NAALADL1: variants seen among roughly 807,000 people sequenced by gnomAD.
NAALADL1 encodes N-acetylated alpha-linked acidic dipeptidase like 1, also known as aminopeptidase NAALADL1.
A neutral mutation model predicts 82.8 loss-of-function variants in NAALADL1; 77 were observed. That is an observed-to-expected ratio of 0.93 (90% confidence interval 0.77 to 1.12). The LOEUF is 1.12. NAALADL1 is among the 50% of genes most tolerant of loss of function. The pLI is 0.00. For missense variants in NAALADL1, 956 were observed against 964.0 expected (o/e 0.99, Z 0.11); for synonymous variants, 358 against 399.2 (o/e 0.90, Z 1.23).
chr11:65,056,504 A>G (rs1191721275), intron 4 of NAALADL1, among the ~76,000 whole-genome samples: 2 of 151,726 alleles, frequency 1.3e-5, no homozygotes, highest in Non-Finnish European at 2.9e-5. Flanking sequence ...GGTTCAAGCA[A>G]TTCTCCTGCC....
upstream of NAALADL1, chr11:65,058,650 T>A (rs1171441977): frequency 2.3e-6 from 2 of 864,864 alleles, no homozygotes; most frequent in African/African-American, 1.7e-5. Context: ...GCAGGGAGAG[T>A]GAGGGAACAT....
intron 4 of NAALADL1, 100 bp downstream of exon 4, chr11:65,057,271 C>CA (rs1947064163): frequency 1.3e-6 from 2 of 1,486,606 alleles, no homozygotes; most frequent in South Asian, 2.8e-5. Flanking sequence ...GTTCCCCACT[C>CA]AACACTGCCT....
rs1275727404 is a variant in NAALADL1, at chr11:65,058,466, AGCCCCAAGAGGGCAGCAGC to A, written c.37_55del (p.Ala13TrpfsTer119). 1 of 1,613,058 alleles carries A rather than the reference AGCCCCAAGAGGGCAGCAGC, an allele frequency of 6.2e-7. No homozygotes were observed. Among genetic ancestry groups the A allele is most frequent in the African/African-American group, 1.3e-5 (1 of 74,626 alleles). On this transcript the variant is annotated frameshift_variant, in exon 1 of 18. Coordinates refer to ENST00000358658, the MANE Select transcript of NAALADL1 (RefSeq NM_005468.3). LOFTEE classifies it high-confidence loss of function. ...GGCAAAGTGGCCGAGGATGATCCCC[AGCCCCAAGAGGGCAGCAGC>A]CCCCAGCCCCAGCCCCAACACCTTC...
rs1485645244 is a variant in NAALADL1 at position 65,047,637 on chromosome 11, C to T, written c.1508+10G>A. The T allele has an allele frequency of 1.9e-6, 3 of 1,598,454 alleles. No homozygotes were observed. The highest frequency in any genetic ancestry group is 2.6e-6 in the Non-Finnish European group (3 of 1,173,740). ...CCTCGCTCCGGGCCCCCTTCTGTCC[C>T]TGGGCTTACCTGGGGACCAGGCCGT... On this transcript the variant is annotated intron_variant, in intron 12 of 17. Transcript: ENST00000358658.
intron 8 of NAALADL1, among the ~76,000 whole-genome samples, chr11:65,048,658 C>A (rs149125563): frequency 1.9e-4 from 29 of 152,240 alleles, no homozygotes; most frequent in Middle Eastern, 3.4e-3. Flanking sequence ...GACTTCCGAC[C>A]CTCCACCCTC....
At chr11:65,056,214 C>T (rs1043261875) in intron 4 of NAALADL1, among the ~76,000 whole-genome samples, 11 of 152,028 alleles carry the variant, frequency 7.2e-5, no homozygotes, top group Non-Finnish European at 1.5e-4. Flanking sequence ...GTAAAATACA[C>T]ATAACATAAA....
Position 65,054,452 on chromosome 11 carries a change from C to T in NAALADL1, c.887+3G>A. On this transcript the variant is annotated splice_donor_region_variant and intron_variant, in intron 5 of 17. Transcript: ENST00000358658. The surrounding 1 kb of genome is among the most constrained non-coding windows in gnomAD (Gnocchi z 4.3). Reference sequence around the variant, plus strand: ...GGCAGGACACCCCAGGGCACAAACTCACCAGAGCAGGTCTCTTGCATCCTG... The same window carrying T: ...GGCAGGACACCCCAGGGCACAAACTTACCAGAGCAGGTCTCTTGCATCCTG... 7 of 1,613,994 alleles carry T rather than the reference C, an allele frequency of 4.3e-6. No individual in the cohort carries two copies. Among genetic ancestry groups the T allele is most frequent in the Non-Finnish European group, 5.9e-6 (7 of 1,179,934 alleles).
At chr11:65,056,505 T>C (rs1396836099) in intron 4 of NAALADL1, among the ~76,000 whole-genome samples, 2 of 152,090 alleles carry the variant, frequency 1.3e-5, no homozygotes, top group African/African-American at 4.8e-5. Flanking sequence ...GTTCAAGCAA[T>C]TCTCCTGCCT....
At chr11:65,046,636 T>G in intron 13 of NAALADL1, 110 bp from the exon 14 acceptor site, 1 of 1,077,270 alleles carries the variant, frequency 9.3e-7, no homozygotes, top group Non-Finnish European at 1.4e-6. Flanking sequence ...CTTGGCCATG[T>G]CTGTGAGGTG....
intron 3 of NAALADL1, 143 bp downstream of exon 3, chr11:65,057,732 G>T: frequency 7.5e-7 from 1 of 1,334,092 alleles, no homozygotes; most frequent in South Asian, 1.4e-5. Flanking sequence ...GAGGAAAGGA[G>T]CAGCGATGGA....
chr11:65,057,930 C>G lies in NAALADL1; in HGVS notation c.425G>C (p.Gly142Ala), dbSNP rs199800826. Reference sequence around the variant, plus strand: ...ATAGGGTTGTACCACATCTGGCCCCCCTTGCTCCCCGGTCACGTTCTCCTC... The same window carrying G: ...ATAGGGTTGTACCACATCTGGCCCCGCTTGCTCCCCGGTCACGTTCTCCTC... ...RTEENVTGEQ[G>A]GPDVVQPYAA... Residue 142 changes from glycine (G) to alanine (A), a missense_variant, in exon 3 of 18, where the codon GGG (glycine) becomes GCG (alanine). By Grantham distance (60) the Gly-to-Ala change is moderately conservative. Transcript: ENST00000358658. The G allele has an allele frequency of 1.1e-4, 184 of 1,614,116 alleles. No individual in the cohort carries two copies. The highest frequency in any genetic ancestry group is 1.4e-4 in the Non-Finnish European group (171 of 1,179,990).
In NAALADL1 at chr11:65,053,760, A is replaced by T. The variant is rs929898605; in HGVS notation, c.993-184T>A. 7.9e-5 allele frequency among the ~76,000 whole-genome samples: 12 copies of T among 152,166 alleles called. No individual in the cohort carries two copies. Among genetic ancestry groups the T allele is most frequent in the African/African-American group, 2.9e-4 (12 of 41,440 alleles). ...CTGCCTACTCGCTGGGTAGGTACTT[A>T]TTGGGTACTTAGTCCCTGACTAGTC... On this transcript the variant is annotated intron_variant, in intron 6 of 17. Transcript: ENST00000358658. The surrounding 1 kb of genome is among the most constrained non-coding windows in gnomAD (Gnocchi z 4.3).
In NAALADL1 at chr11:65,057,981, C is replaced by T; in HGVS notation, c.374G>A (p.Gly125Asp). The T allele has an allele frequency of 2.5e-6, 4 of 1,614,142 alleles. No individual in the cohort carries two copies. Among genetic ancestry groups the T allele is most frequent in the Non-Finnish European group, 3.4e-6 (4 of 1,179,986 alleles). ...AGTCCGGTGGCAGGAGTGGATGATG[C>T]CCCCAGTGGGGCCCACTGTTGGAGG... ...NVVDIVGPTG[G>D]IIHSCHRTEE... Residue 125 changes from glycine to aspartate, a missense_variant, in exon 3 of 18, where the codon GGC becomes GAC. Gly to Asp is a moderately conservative substitution (Grantham distance 94). Transcript: ENST00000358658.
At chr11:65,057,828 G>A (rs1947084302) in intron 3 of NAALADL1, 47 bp downstream of exon 3, 2 of 1,608,102 alleles carry the variant, frequency 1.2e-6, no homozygotes, top group Non-Finnish European at 1.7e-6. Context: ...ACCCTGGGTG[G>A]AACCAAGGGA....
In NAALADL1 at chr11:65,054,218, ACTGAGGGAGAC is replaced by A. The variant is rs1946970606; in HGVS notation, c.992+21_992+31del. 12 of 1,586,744 alleles carry A rather than the reference ACTGAGGGAGAC, an allele frequency of 7.6e-6. No homozygotes were observed. Among genetic ancestry groups the A allele is most frequent in the Non-Finnish European group, 1.0e-5 (12 of 1,159,684 alleles). On this transcript the variant is annotated intron_variant, in intron 6 of 17. Coordinates refer to ENST00000358658, the MANE Select transcript of NAALADL1 (RefSeq NM_005468.3). This position sits in a 1 kb window ranked among gnomAD's most constrained non-coding sequence, Gnocchi z 4.3. ...GAGAGGCGAGTTGGGGGAGAGGGCA[ACTGAGGGAGAC>A]CTGGTCTGGCTGCATCTCACCTGTC...
Position 65,048,063 on chromosome 11 carries a change from G to A in NAALADL1, c.1349-15C>T, listed in dbSNP as rs951591158. ...GGTAGCGTTGGCTGTGGGAGGAGGG[G>A]AGAAAGACTATTTGGGCCCCAGCCC... On this transcript the variant is annotated splice_polypyrimidine_tract_variant and intron_variant, in intron 10 of 17. Transcript: ENST00000358658. The A allele has an allele frequency of 1.7e-5, 28 of 1,613,804 alleles. No individual in the cohort carries two copies. Among genetic ancestry groups the A allele is most frequent in the Non-Finnish European group, 2.3e-5 (27 of 1,179,932 alleles).
At position 65,048,024 on chromosome 11, in the gene NAALADL1, C is replaced by G; in HGVS notation, c.1373G>C (p.Gly458Ala). ...GACGACGCTCTGGACAGGGGGCGTC[C>G]CCTGCACCCTAAGGGTAGCGTTGGC... ...VFANATLRVQ[G>A]TPPVQSVVFS... The change falls in exon 11 of 18, where the codon GGG becomes GCG. Residue 458 changes from glycine to alanine, a missense_variant. Gly to Ala is a moderately conservative substitution (Grantham distance 60, BLOSUM62 0). Transcript: ENST00000358658. The G allele has an allele frequency of 6.2e-7, 1 of 1,613,900 alleles. No homozygotes were observed. The highest frequency in any genetic ancestry group is 8.5e-7 in the Non-Finnish European group (1 of 1,179,916).
At chr11:65,047,587 G>C in intron 12 of NAALADL1, 22 bp from the exon 13 acceptor site, 1 of 1,574,976 alleles carries the variant, frequency 6.3e-7, no homozygotes, top group Non-Finnish European at 8.6e-7. Context: ...AAGGGGGCCG[G>C]GATAAAGAGC....
intron 17 of NAALADL1, 81 bp from the exon 18 acceptor site, chr11:65,045,538 C>T: frequency 1.4e-6 from 2 of 1,410,030 alleles, no homozygotes; most frequent in Non-Finnish European, 1.9e-6. Flanking sequence ...ACTGGCTCAG[C>T]TCCTGTACGC....
Sources: allele counts gnomAD v4.1 joint callset (sites outside exome capture counted in the v4.1 genomes callset), GRCh38; gene constraint gnomAD v4.1.1; non-coding constraint Gnocchi (gnomAD v3.1); transcripts MANE v1.5; gene names NCBI Gene and HGNC (gene_info 2026-07-23, HGNC 2026-07-21).